The following UQCC1 variants were observed in gnomAD, a reference collection of about 807,000 sequenced individuals.
UQCC1 encodes the protein bFGF-repressed Zic-binding protein.
Under a neutral mutation model 48.0 loss-of-function variants are expected in UQCC1, and 38 were observed. The observed-to-expected ratio is 0.79, with a 90% CI of 0.61 to 1.04. The LOEUF (loss-of-function observed/expected upper bound fraction) is 1.04. Ranked by LOEUF, UQCC1 falls within the 50% of genes least tolerant of loss-of-function variation. The probability of loss-of-function intolerance (pLI) is 0.00; values close to 1 mark genes in which losing one functional copy is unlikely to be tolerated. For missense variants in UQCC1, 368 were observed against 381.8 expected (o/e 0.96, Z 0.30); for synonymous variants, 111 against 129.2 (o/e 0.86, Z 0.95).
chr20:35,411,875 C>T, intron 1 of UQCC1, 65 bp downstream of exon 1: 4 of 1,606,752 alleles, frequency 2.5e-6, no homozygotes, highest in East Asian at 2.2e-5. Flanking sequence ...TTCCTCCCGC[C>T]CTGCCTTGTC....
At chr20:35,314,826 T>A in intron 7 of UQCC1, 61 bp from the exon 8 acceptor site, 1 of 1,413,056 alleles carries the variant, frequency 7.1e-7, no homozygotes, top group Admixed American at 1.8e-5. Flanking sequence ...ACCCAAAAAG[T>A]ATGATCTTTG....
chr20:35,403,548 A>G (rs920470664), intron 1 of UQCC1, among the ~76,000 whole-genome samples: 2 of 152,218 alleles, frequency 1.3e-5, no homozygotes, highest in Non-Finnish European at 2.9e-5. Flanking sequence ...ATTCCCAGAC[A>G]TCCCATTACT....
In UQCC1 at chr20:35,401,070, A is replaced by C. The variant is rs149963819; in HGVS notation, c.25-6874T>G. 3.0e-3 allele frequency among the ~76,000 whole-genome samples: 453 copies of C among 152,304 alleles called. 1 individual carries two copies. Among genetic ancestry groups the C allele is most frequent in the African/African-American group, 0.011 (439 of 41,558 alleles). ...CACCACAAACACTGAGTTAGCAAATACTGAACCATTGCTTCTAAAGGAAAT... is the reference window on the plus strand; with the variant it reads ...CACCACAAACACTGAGTTAGCAAATCCTGAACCATTGCTTCTAAAGGAAAT... On this transcript the variant is annotated intron_variant, in intron 1 of 9. Transcript: ENST00000374385.
chr20:35,331,157 C>T (rs1250808582), intron 7 of UQCC1, among the ~76,000 whole-genome samples: 5 of 152,074 alleles, frequency 3.3e-5, no homozygotes, highest in East Asian at 3.9e-4. Flanking sequence ...GCCTGCTCAG[C>T]GCTTAACAGG....
Position 35,384,125 on chromosome 20 carries a change from C to A in UQCC1, c.138G>T (p.Gln46His). Residue 46 changes from glutamine (Q) to histidine (H), a missense_variant, in exon 3 of 10, where the codon CAG becomes CAT. Transcript: ENST00000374385. The stretch of plus-strand genomic sequence containing the variant: ...CACCACATGCTCGGGACTGGCTCAT[C>A]TGGGGCCACTGAAGAATAAAAACAC... ...RALSRTSQWPQMSQSRACGGS... is the reference protein window; with the variant it reads ...RALSRTSQWPHMSQSRACGGS... 6.2e-7 allele frequency: 1 copy of A among 1,611,992 alleles called. No homozygotes were observed. The highest frequency in any genetic ancestry group is 8.5e-7 in the Non-Finnish European group (1 of 1,178,306).
At chr20:35,390,405 G>C (rs906160478) in intron 2 of UQCC1, among the ~76,000 whole-genome samples, 1 of 146,512 alleles carries the variant, frequency 6.8e-6, no homozygotes, top group Non-Finnish European at 1.5e-5. Flanking sequence ...CTGGGCGACA[G>C]AGTGAAACTC....
intron 1 of UQCC1, among the ~76,000 whole-genome samples, chr20:35,402,316 C>T (rs1348410450): frequency 5.3e-5 from 8 of 152,070 alleles, no homozygotes; most frequent in Non-Finnish European, 8.8e-5. Context: ...CGGTGGCTTA[C>T]GCCTGTAATC....
chr20:35,388,050 G>A (rs1425378354), intron 2 of UQCC1, among the ~76,000 whole-genome samples: 1 of 150,976 alleles, frequency 6.6e-6, no homozygotes, highest in African/African-American at 2.4e-5. Context: ...GCATGATCTC[G>A]GCTCACTACA....
At chr20:35,393,479 CACACACACACACAAACACACACAA>C (rs1232972782) in intron 2 of UQCC1, among the ~76,000 whole-genome samples, 7 of 129,696 alleles carry the variant, frequency 5.4e-5, no homozygotes, top group East Asian at 4.8e-4. Context: ...TACATACACA[CACACACACACACAAACACACACAA>C]ACACACACAC....
chr20:35,406,860 TAGAA>T (rs879564995), intron 1 of UQCC1, among the ~76,000 whole-genome samples: 6 of 152,210 alleles, frequency 3.9e-5, no homozygotes, highest in Admixed American at 1.3e-4. Context: ...CAGAGCTATA[TAGAA>T]AGAAAGTCTT....
At chr20:35,402,607 ACAAAC>A (rs1258332522) in intron 1 of UQCC1, among the ~76,000 whole-genome samples, 16 of 138,188 alleles carry the variant, frequency 1.2e-4, no homozygotes, top group Admixed American at 9.8e-4. Flanking sequence ...AAACAAACAA[ACAAAC>A]AAAATATATA....
At chr20:35,380,421 T>C (rs2061852130) in intron 4 of UQCC1, among the ~76,000 whole-genome samples, 1 of 152,176 alleles carries the variant, frequency 6.6e-6, no homozygotes, top group South Asian at 2.1e-4. Context: ...AAAAACAAAA[T>C]GCTTGTGGAA....
intron 6 of UQCC1, among the ~76,000 whole-genome samples, chr20:35,348,785 C>T (rs1044727419): frequency 6.6e-6 from 1 of 152,206 alleles, no homozygotes; most frequent in African/African-American, 2.4e-5. Flanking sequence ...TCCTGTGTAG[C>T]TGAGATTACA....
rs151298189 is a variant in UQCC1, at chr20:35,408,006, G to A, written c.24+3934C>T. Among the ~76,000 whole-genome samples the A allele has an allele frequency of 2.3e-3, 345 of 151,438 alleles. 1 individual carries two copies. Among genetic ancestry groups the A allele is most frequent in the African/African-American group, 8.0e-3 (329 of 41,214 alleles). On this transcript the variant is annotated intron_variant, in intron 1 of 9. Transcript: ENST00000374385. ...CATTGCACTCCAGCCTGGGCAACAC[G>A]CGTGAAACTCTGTCTCAAAAAGAAA...
At chr20:35,384,191 C>G in intron 2 of UQCC1, 58 bp from the exon 3 acceptor site, 1 of 1,448,712 alleles carries the variant, frequency 6.9e-7, no homozygotes, top group Non-Finnish European at 9.6e-7. Flanking sequence ...TTAATCTGAA[C>G]AGAGCTGTTT....
chr20:35,373,965 G>C (rs181906797), intron 5 of UQCC1, among the ~76,000 whole-genome samples: 1 of 152,258 alleles, frequency 6.6e-6, no homozygotes, highest in Admixed American at 6.5e-5. Flanking sequence ...TTGAGCCCAG[G>C]AGTTTTAGGC....
At chr20:35,335,226 T>C (rs1362780629) in intron 7 of UQCC1, among the ~76,000 whole-genome samples, 1 of 152,218 alleles carries the variant, frequency 6.6e-6, no homozygotes, top group Non-Finnish European at 1.5e-5. Context: ...AGTGTCACCA[T>C]ATGACCCAGC....
At chr20:35,350,865 A>AC (rs2061483138) in intron 6 of UQCC1, among the ~76,000 whole-genome samples, 1 of 151,922 alleles carries the variant, frequency 6.6e-6, no homozygotes, top group Non-Finnish European at 1.5e-5. Context: ...ACATGGTGAA[A>AC]CCCCGTCTCT....
chr20:35,365,227 G>C (rs2061652643), intron 6 of UQCC1, among the ~76,000 whole-genome samples: 1 of 152,076 alleles, frequency 6.6e-6, no homozygotes, highest in African/African-American at 2.4e-5. Context: ...ATATAACTTA[G>C]GCATTCTGAT....
Sources: allele counts gnomAD v4.1 joint callset (sites outside exome capture counted in the v4.1 genomes callset), GRCh38; gene constraint gnomAD v4.1.1; transcripts MANE v1.5; gene names NCBI Gene and HGNC (gene_info 2026-07-23, HGNC 2026-07-21).